The following MRPS28 variants were observed in gnomAD, a reference collection of about 807,000 sequenced individuals.
MRPS28 encodes mitochondrial ribosomal protein S28, also known as small ribosomal subunit protein bS1m.
A neutral mutation model predicts 10.8 loss-of-function variants in MRPS28; 7 were observed. The observed-to-expected ratio is 0.65, with a 90% CI of 0.37 to 1.22. The LOEUF (loss-of-function observed/expected upper bound fraction) is 1.22. Among genes scored for constraint, MRPS28 ranks in the 50% most tolerant of loss-of-function variants. The pLI is 0.02. For missense variants in MRPS28, 265 were observed against 232.9 expected (o/e 1.14, Z -0.90); for synonymous variants, 121 against 93.3 (o/e 1.30, Z -1.71).
intron 2 of MRPS28, among the ~76,000 whole-genome samples, chr8:79,923,288 T>C (rs1250620100): frequency 2.0e-5 from 3 of 152,208 alleles, no homozygotes; most frequent in African/African-American, 7.2e-5. Context: ...GATTCACAGA[T>C]TCTTCTGCTC....
At chr8:79,939,468 AT>A (rs1385886679) in intron 2 of MRPS28, among the ~76,000 whole-genome samples, 1 of 152,224 alleles carries the variant, frequency 6.6e-6, no homozygotes, top group South Asian at 2.1e-4. Context: ...TTAAAAAAAA[AT>A]CGGCCTGGTC....
intron 2 of MRPS28, among the ~76,000 whole-genome samples, chr8:79,960,795 T>C (rs1807355681): frequency 1.3e-5 from 2 of 152,090 alleles, no homozygotes; most frequent in Admixed American, 1.3e-4. Flanking sequence ...GAACAAAACA[T>C]TATAGAGCTT....
At chr8:80,018,485 T>C (rs545902417) in intron 1 of MRPS28, among the ~76,000 whole-genome samples, 2 of 152,184 alleles carry the variant, frequency 1.3e-5, no homozygotes, top group South Asian at 2.1e-4. Context: ...CCAGCAGTAA[T>C]ACATGCTGAT....
intron 2 of MRPS28, among the ~76,000 whole-genome samples, chr8:79,990,457 A>G (rs914216696): frequency 1.4e-4 from 21 of 152,042 alleles, no homozygotes; most frequent in African/African-American, 5.1e-4. Flanking sequence ...CATCACTACT[A>G]ATGTCAGCAT....
chr8:79,973,329 C>T (rs1807687172), intron 2 of MRPS28, among the ~76,000 whole-genome samples: 1 of 152,014 alleles, frequency 6.6e-6, no homozygotes, highest in Middle Eastern at 3.2e-3. Context: ...CACTGTGTTG[C>T]ACAGGCTGGA....
At chr8:79,919,268 T>C in intron 2 of MRPS28, 120 bp from the exon 3 acceptor site, 3 of 698,886 alleles carry the variant, frequency 4.3e-6, no homozygotes, top group Non-Finnish European at 4.2e-6. Context: ...AAGTTAACAC[T>C]GGTATCTTAG....
chr8:79,986,722 T>C (rs528807869), intron 2 of MRPS28, among the ~76,000 whole-genome samples: 37 of 151,670 alleles, frequency 2.4e-4, no homozygotes, highest in South Asian at 1.7e-3. Flanking sequence ...TTACAAGGGA[T>C]GTGAAGGACC....
chr8:79,973,171 C>A (rs1807681173), intron 2 of MRPS28, among the ~76,000 whole-genome samples: 1 of 152,160 alleles, frequency 6.6e-6, no homozygotes, highest in South Asian at 2.1e-4. Flanking sequence ...ATACACAATG[C>A]AGTCAACTGT....
At chr8:79,961,770 T>C (rs1397525777) in intron 2 of MRPS28, among the ~76,000 whole-genome samples, 4 of 152,172 alleles carry the variant, frequency 2.6e-5, no homozygotes, top group Non-Finnish European at 5.9e-5. Flanking sequence ...TTGAAGTGAT[T>C]ACACTTAGTA....
intron 2 of MRPS28, among the ~76,000 whole-genome samples, chr8:79,947,083 T>C (rs1033737898): frequency 1.3e-5 from 2 of 152,186 alleles, no homozygotes; most frequent in Non-Finnish European, 2.9e-5. Context: ...ATAAATGTAG[T>C]AAGGTGACTG....
intron 2 of MRPS28, among the ~76,000 whole-genome samples, chr8:79,975,847 T>G (rs1264369161): frequency 6.6e-6 from 1 of 152,114 alleles, no homozygotes; most frequent in Non-Finnish European, 1.5e-5. Flanking sequence ...AATAATCAGA[T>G]AGTTATACCA....
rs376030237 is a variant in MRPS28, at chr8:80,029,947, C to T, written c.213+89G>A. On this transcript the variant is annotated intron_variant, in intron 1 of 2. Coordinates refer to ENST00000276585, the MANE Select transcript of MRPS28 (RefSeq NM_014018.3). Reference sequence around the variant, plus strand: ...GGGCCCCGGACCTCAGCTCCCCTTCCTAAGCCAGGCTCCGCCCCTATTCCC... The same window carrying T: ...GGGCCCCGGACCTCAGCTCCCCTTCTTAAGCCAGGCTCCGCCCCTATTCCC... 2.5e-5 allele frequency: 39 copies of T among 1,539,380 alleles called. No individual in the cohort carries two copies. In the East Asian group the frequency reaches 4.4e-4, roughly 17 times the overall value.
At position 79,926,208 on chromosome 8, in the gene MRPS28, T is replaced by C. The variant is rs549727231; in HGVS notation, c.396-7060A>G. Among the ~76,000 whole-genome samples, 19 of 152,210 alleles carry C rather than the reference T, an allele frequency of 1.2e-4. No homozygotes were observed. In the South Asian group the frequency reaches 3.1e-3, roughly 25 times the overall value. On this transcript the variant is annotated intron_variant, in intron 2 of 2. Coordinates refer to ENST00000276585, the MANE Select transcript of MRPS28 (RefSeq NM_014018.3). ...ACCTGAAATATGCTGATGATTAAAA[T>C]TGGGATCAAACTTGGCAGTAGTATT...
At chr8:79,969,559 T>C (rs1415636325) in intron 2 of MRPS28, among the ~76,000 whole-genome samples, 1 of 152,060 alleles carries the variant, frequency 6.6e-6, no homozygotes, top group Admixed American at 6.5e-5. Context: ...AATCCTGCCT[T>C]TTATTACTAA....
At chr8:79,921,526 C>G (rs1478328762) in intron 2 of MRPS28, among the ~76,000 whole-genome samples, 1 of 150,962 alleles carries the variant, frequency 6.6e-6, no homozygotes, top group African/African-American at 2.4e-5. Flanking sequence ...AGTTGGATTC[C>G]TAGGTATTTT....
intron 2 of MRPS28, among the ~76,000 whole-genome samples, chr8:79,991,903 C>T (rs2130123369): frequency 6.9e-6 from 1 of 145,272 alleles, no homozygotes; most frequent in Non-Finnish European, 1.5e-5. Context: ...TCACCACTTC[C>T]TCCTTGCTCT....
chr8:79,980,713 T>G (rs1807930348), intron 2 of MRPS28, among the ~76,000 whole-genome samples: 1 of 152,232 alleles, frequency 6.6e-6, no homozygotes, highest in Non-Finnish European at 1.5e-5. Context: ...AAGTAAGCAA[T>G]GAGTATTTAT....
chr8:79,980,918 CTAT>C (rs1424107795), intron 2 of MRPS28, among the ~76,000 whole-genome samples: 4 of 152,192 alleles, frequency 2.6e-5, no homozygotes, highest in African/African-American at 9.7e-5. Context: ...ACTACCATTA[CTAT>C]TAATAATAGA....
chr8:79,971,565 T>C (rs1210143393), intron 2 of MRPS28, among the ~76,000 whole-genome samples: 4 of 152,204 alleles, frequency 2.6e-5, no homozygotes, highest in African/African-American at 9.7e-5. Context: ...ATCTTCTGTC[T>C]CTACATACTT....
Sources: gnomAD v4.1 joint callset for allele counts (sites outside exome capture counted in the v4.1 genomes callset) on GRCh38, gnomAD v4.1.1 for gene constraint, MANE v1.5 for transcripts, NCBI Gene and HGNC (gene_info 2026-07-23, HGNC 2026-07-21) for gene names.